The following DST variants were observed in gnomAD, a reference collection of about 807,000 sequenced individuals.
DST encodes dystonin.
DST carries 253 observed loss-of-function variants against 875.2 expected under a neutral mutation model. The ratio of observed to expected loss-of-function variants is 0.29; its 90% CI spans 0.26 to 0.32. The LOEUF (loss-of-function observed/expected upper bound fraction) is 0.32. DST is among the 10% of genes least tolerant of loss of function. DST has a pLI of 1.00. For synonymous variants in DST, 3,124 were observed against 3,197.1 expected (o/e 0.98, Z 0.77); for missense variants, 8,287 against 9,111.6 (o/e 0.91, Z 3.68).
intron 72 of DST, 35 bp from the exon 73 acceptor site, chr6:56,511,435 G>A (rs1409818386): frequency 1.3e-6 from 2 of 1,542,676 alleles, no homozygotes; most frequent in Non-Finnish European, 1.8e-6. Context: ...AGTATCTCAG[G>A]GTCACACCTC....
intron 47 of DST, among the ~76,000 whole-genome samples, chr6:56,596,714 T>C (rs937181092): frequency 1.3e-5 from 2 of 152,094 alleles, no homozygotes; most frequent in African/African-American, 4.8e-5. Context: ...AGGAACAAAA[T>C]AAATAGACCT....
chr6:56,921,526 G>A (rs1804222842), intron 2 of DST, among the ~76,000 whole-genome samples: 1 of 152,140 alleles, frequency 6.6e-6, no homozygotes, highest in Non-Finnish European at 1.5e-5. Flanking sequence ...AGATAGCAAT[G>A]ACTAAAATCA....
chr6:56,595,092 G>A (rs950201612), intron 47 of DST, among the ~76,000 whole-genome samples: 1 of 152,166 alleles, frequency 6.6e-6, no homozygotes, highest in African/African-American at 2.4e-5. Flanking sequence ...TGGCAAAAAG[G>A]ATACTAATCC....
chr6:56,732,638 G>C (rs2099505609), intron 5 of DST, among the ~76,000 whole-genome samples: 3 of 152,136 alleles, frequency 2.0e-5, no homozygotes. Flanking sequence ...ACTTTTGCCA[G>C]TTATATAAAC....
intron 37 of DST, among the ~76,000 whole-genome samples, chr6:56,612,289 A>T (rs1296893382): frequency 6.6e-6 from 1 of 152,162 alleles, no homozygotes; most frequent in East Asian, 1.9e-4. Flanking sequence ...GAATTGCTTG[A>T]GTGTGGGAAA....
rs765125014 is a variant in DST, at chr6:56,604,885, C to T, written c.9743G>A (p.Cys3248Tyr). Residue 3248 changes from cysteine (C) to tyrosine (Y), a missense_variant, in exon 40 of 104, where the codon TGT (cysteine) becomes TAT (tyrosine). Physicochemically the swap from Cys to Tyr is radical, Grantham distance 194. Around this residue, in one of 10 missense-constraint regions of DST, gnomAD observed 3,138 missense variants for 3,116.6 expected, o/e 1.01. Coordinates refer to ENST00000680361, the MANE Select transcript of DST (RefSeq NM_001374736.1). ...TCCTCCTGAGATGCTTTCTTTACTA[C>T]AAAGATCATTGCTTTGGATCATGTC... ...LNDMIQSNDL[C>Y]SKESISGGGT... is the part of the protein sequence containing the mutation. The T allele has an allele frequency of 1.9e-6, 3 of 1,612,616 alleles. No homozygotes were observed. The highest frequency in any genetic ancestry group is 2.2e-5 in the South Asian group (2 of 91,044).
chr6:56,545,712 G>C (rs554791422), intron 61 of DST, among the ~76,000 whole-genome samples: 1 of 152,166 alleles, frequency 6.6e-6, no homozygotes, highest in South Asian at 2.1e-4. Flanking sequence ...GAAACATGGA[G>C]GTTTTAGGGT....
chr6:56,770,918 T>G (rs1023158515), intron 4 of DST, among the ~76,000 whole-genome samples: 1 of 150,888 alleles, frequency 6.6e-6, no homozygotes, highest in South Asian at 2.1e-4. Flanking sequence ...GAGAATAGCT[T>G]GAACCCGGGA....
chr6:56,801,926 T>G (rs2099747676), intron 4 of DST, among the ~76,000 whole-genome samples: 1 of 151,764 alleles, frequency 6.6e-6, no homozygotes, highest in Non-Finnish European at 1.5e-5. Flanking sequence ...ATTTTTGTAT[T>G]TTTAGTACAG....
At chr6:56,717,042 G>A (rs140053035) in intron 5 of DST, among the ~76,000 whole-genome samples, 2,880 of 152,180 alleles carry the variant, frequency 0.019, 96 homozygotes, top group African/African-American at 0.066. Flanking sequence ...AATTAGCTGG[G>A]CGTGGTAGCA....
At chr6:56,554,450 A>G (rs1019962913) in intron 60 of DST, among the ~76,000 whole-genome samples, 11 of 152,164 alleles carry the variant, frequency 7.2e-5, no homozygotes, top group Admixed American at 3.3e-4. Flanking sequence ...ATGAGTTTGT[A>G]TCTTGGTTTA....
chr6:56,768,646 T>A (rs917426874), intron 4 of DST, among the ~76,000 whole-genome samples: 5 of 152,184 alleles, frequency 3.3e-5, no homozygotes, highest in African/African-American at 1.2e-4. Context: ...GATGAATTTT[T>A]AAATACAATA....
At chr6:56,879,321 A>G (rs1780936780) in intron 3 of DST, among the ~76,000 whole-genome samples, 1 of 152,000 alleles carries the variant, frequency 6.6e-6, no homozygotes, top group South Asian at 2.1e-4. Flanking sequence ...ATACAAAAAA[A>G]TTAGCCAGGA....
At chr6:56,503,627 A>ACACACACACACACACACACACACACACC (rs1478684126) in intron 78 of DST, among the ~76,000 whole-genome samples, 1 of 149,434 alleles carries the variant, frequency 6.7e-6, no homozygotes, top group East Asian at 2.0e-4. Context: ...ACACACACAC[A>ACACACACACACACACACACACACACACC]CCCCATGTCC....
chr6:56,701,586 C>A (rs1380050529), intron 8 of DST, among the ~76,000 whole-genome samples: 1 of 152,112 alleles, frequency 6.6e-6, no homozygotes, highest in Non-Finnish European at 1.5e-5. Context: ...CATTCTATTG[C>A]TACTAAAATG....
intron 53 of DST, among the ~76,000 whole-genome samples, chr6:56,570,456 C>A (rs1222977657): frequency 6.6e-6 from 1 of 152,130 alleles, no homozygotes; most frequent in Admixed American, 6.6e-5. Context: ...TCATAAGGAG[C>A]ATGCACCCTA....
chr6:56,662,242 C>T (rs2099047010), intron 10 of DST, among the ~76,000 whole-genome samples: 1 of 152,130 alleles, frequency 6.6e-6, no homozygotes, highest in South Asian at 2.1e-4. Context: ...TTCAGAAGTA[C>T]GTCTCAAAAT....
At position 56,492,917 on chromosome 6, in the gene DST, T is replaced by A. The variant is rs1219879717; in HGVS notation, c.20550+17A>T. On this transcript the variant is annotated intron_variant, in intron 84 of 103. Coordinates refer to ENST00000680361, the MANE Select transcript of DST (RefSeq NM_001374736.1). Reference sequence around the variant, plus strand: ...GTGTCTGAAAAGAGAATCCTATCTATTTGACTCACTACATACCTTGTGTTC... The same window carrying A: ...GTGTCTGAAAAGAGAATCCTATCTAATTGACTCACTACATACCTTGTGTTC... 2.0e-6 allele frequency: 3 copies of A among 1,536,848 alleles called. No individual in the cohort carries two copies. The highest frequency in any genetic ancestry group is 2.6e-6 in the Non-Finnish European group (3 of 1,144,734).
intron 4 of DST, among the ~76,000 whole-genome samples, chr6:56,818,933 T>C (rs930741670): frequency 6.6e-6 from 1 of 152,148 alleles, no homozygotes; most frequent in African/African-American, 2.4e-5. Flanking sequence ...TGTATACACT[T>C]AGCACTGGGT....
Sources: gnomAD v4.1 joint callset for allele counts (sites outside exome capture counted in the v4.1 genomes callset) on GRCh38, gnomAD v4.1.1 for gene constraint, gnomAD v4.1.1 regional missense constraint, MANE v1.5 for transcripts, NCBI Gene and HGNC (gene_info 2026-07-23, HGNC 2026-07-21) for gene names.